The following RNF166 variants were observed in gnomAD, a reference collection of about 807,000 sequenced individuals.
RNF166 encodes the protein E3 ubiquitin-protein ligase RNF166.
In RNF166, 19 loss-of-function variants were observed where a neutral mutation model predicts 29.4. The observed-to-expected ratio is 0.65, with a 90% CI of 0.45 to 0.95. The LOEUF (loss-of-function observed/expected upper bound fraction) is 0.95, where lower values mean the gene tolerates loss of function less well. Among genes scored for constraint, RNF166 ranks in the 40% least tolerant of loss-of-function variants. The pLI is 0.00. For missense variants in RNF166, 347 were observed against 322.1 expected, an observed-to-expected ratio of 1.08 and a Z score of -0.59; for synonymous variants, 171 against 134.5, an observed-to-expected ratio of 1.27 and a Z score of -1.88.
chr16:88,702,029 C>A (rs2142656369), intron 1 of RNF166, among the ~76,000 whole-genome samples: 1 of 152,288 alleles, frequency 6.6e-6, no homozygotes, highest in Middle Eastern at 3.4e-3. Flanking sequence ...GGGTCCTGGG[C>A]ACCCATGGGC....
At position 88,699,095 on chromosome 16, in the gene RNF166, C is replaced by T. The variant is rs1244771799; in HGVS notation, c.426-10G>A. On this transcript the variant is annotated splice_polypyrimidine_tract_variant and intron_variant, in intron 3 of 5. Coordinates refer to ENST00000312838, the MANE Select transcript of RNF166 (RefSeq NM_178841.4). ...CCTGTTGGGGATGTTGCTGGCGGGG[C>T]GGGGGTAGAGTGAGTGGCACGGCTA... The T allele has an allele frequency of 9.5e-6, 15 of 1,582,036 alleles. No homozygotes were observed. The highest frequency in any genetic ancestry group is 2.7e-5 in the African/African-American group (2 of 74,620).
rs1177253139 is a variant in RNF166 at position 88,697,358 on chromosome 16, G to A, written c.*210C>T. The A allele has an allele frequency of 2.1e-5, 10 of 471,378 alleles. No individual in the cohort carries two copies. The highest frequency in any genetic ancestry group is 3.6e-5 in the Admixed American group (1 of 27,878). The allele number at this position is 471,378 out of a possible 1,614,324, so 29.2% of individuals were successfully genotyped here. On this transcript the variant is annotated 3_prime_UTR_variant, in exon 6 of 6. Coordinates refer to ENST00000312838, the MANE Select transcript of RNF166 (RefSeq NM_178841.4). ...CAGAAGCACCGAAGAACCCAGCGAC[G>A]CCGGTGGGACCAGGCGGCCCTGCTC...
At chr16:88,704,562 C>G in intron 1 of RNF166, 1 of 985,440 alleles carries the variant, frequency 1.0e-6, no homozygotes, top group Non-Finnish European at 1.2e-6. Flanking sequence ...TGTGGCCGAC[C>G]ACACGGTGAA....
At chr16:88,703,341 G>A (rs773603812) in intron 1 of RNF166, 164 of 985,458 alleles carry the variant, frequency 1.7e-4, no homozygotes, top group Non-Finnish European at 1.8e-4. Context: ...GCCGGGGCTC[G>A]GCTGCACAGC....
chr16:88,701,480 G>A (rs1286304028), intron 1 of RNF166, 62 bp from the exon 2 acceptor site: 10 of 1,457,126 alleles, frequency 6.9e-6, no homozygotes, highest in African/African-American at 5.7e-5. Context: ...CGCAGGCCTT[G>A]CTCGGGGCCC....
chr16:88,703,835 C>A, intron 1 of RNF166: 1 of 985,456 alleles, frequency 1.0e-6, no homozygotes, highest in Non-Finnish European at 1.2e-6. Context: ...GAAGCTGGGA[C>A]GGCCCGTGCC....
At chr16:88,699,546 G>T in intron 3 of RNF166, 74 bp downstream of exon 3, 1 of 1,183,804 alleles carries the variant, frequency 8.4e-7, no homozygotes, top group Non-Finnish European at 1.2e-6. Flanking sequence ...CTCTGGGATG[G>T]GGCACTGCGC....
chr16:88,703,233 ATCT>A (rs1910445014), intron 1 of RNF166: 2 of 977,194 alleles, frequency 2.0e-6, no homozygotes, highest in South Asian at 9.5e-5. Context: ...AGTGGGAAGA[ATCT>A]TCTAGAATTG....
In RNF166 at chr16:88,697,511, G is replaced by T; in HGVS notation, c.*57C>A. On this transcript the variant is annotated 3_prime_UTR_variant, in exon 6 of 6. Coordinates refer to ENST00000312838, the MANE Select transcript of RNF166 (RefSeq NM_178841.4). ...GCGCTCCCGAGCAGGTGCCAGGTGC[G>T]ACACAGGAGCGGGGACATCCCTGAC... 1 of 1,330,682 alleles carries T rather than the reference G, an allele frequency of 7.5e-7. No homozygotes were observed. The highest frequency in any genetic ancestry group is 1.3e-5 in the South Asian group (1 of 78,960). The allele number at this position is 1,330,682 out of a possible 1,614,324, so 82.4% of individuals were successfully genotyped here. A position where few individuals can be genotyped will look rare whatever the true frequency, so the allele number is the denominator to read the frequency against.
Position 88,702,956 on chromosome 16 carries a change from G to T in RNF166, c.156-1538C>A, listed in dbSNP as rs1424013676. The T allele has an allele frequency of 3.0e-6, 3 of 985,482 alleles. No individual in the cohort carries two copies. In the African/African-American group the frequency reaches 5.2e-5, roughly 17 times the overall value. 61.0% of individuals were successfully genotyped at this position (985,482 alleles called of 1,614,324 possible). Reference sequence around the variant, plus strand: ...TACTCAGGCACTCATGGCAGGAGAAGCGGAAGCAGCTCAGGTGCCCGTCGG... The same window carrying T: ...TACTCAGGCACTCATGGCAGGAGAATCGGAAGCAGCTCAGGTGCCCGTCGG... On this transcript the variant is annotated intron_variant, in intron 1 of 5. Transcript: ENST00000312838.
intron 2 of RNF166, among the ~76,000 whole-genome samples, chr16:88,700,351 G>A (rs574169174): frequency 1.9e-4 from 29 of 152,246 alleles, no homozygotes; most frequent in South Asian, 6.2e-4. Context: ...TGTGGGATAC[G>A]GGAGGCCGCT....
chr16:88,696,787 T>G lies in RNF166; in HGVS notation c.*781A>C, dbSNP rs1909677986. ...ACAGCCTGTGGCTGGGGTGCTGGGATTTCTTCCTGGTCATCAAAGAGAAAC... is the reference window on the plus strand; with the variant it reads ...ACAGCCTGTGGCTGGGGTGCTGGGAGTTCTTCCTGGTCATCAAAGAGAAAC... On this transcript the variant is annotated 3_prime_UTR_variant, in exon 6 of 6. Coordinates refer to ENST00000312838, the MANE Select transcript of RNF166 (RefSeq NM_178841.4). The G allele has an allele frequency of 2.7e-6, 1 of 364,060 alleles. No individual in the cohort carries two copies. The highest frequency in any genetic ancestry group is 5.3e-6 in the Non-Finnish European group (1 of 187,666). 22.6% of individuals were successfully genotyped at this position (364,060 alleles called of 1,614,324 possible).
In RNF166 at chr16:88,697,618, C is replaced by A; in HGVS notation, c.664G>T (p.Glu222Ter). ...YDTFVDYSID[E>*]EAAFQAALAL... ...AGAGCAGCCTGGAAGGCGGCCTCCT[C>A]GTCAATACTGTAGTCCTGGAGACAG... The change falls in exon 6 of 6, where the codon GAG (glutamate) becomes TAG (stop). Residue 222 changes from glutamate to a stop codon, truncating the protein, a stop_gained. Coordinates refer to ENST00000312838, the MANE Select transcript of RNF166 (RefSeq NM_178841.4). LOFTEE classifies it high-confidence loss of function. The A allele has an allele frequency of 1.3e-6, 2 of 1,552,172 alleles. No individual in the cohort carries two copies. The highest frequency in any genetic ancestry group is 8.7e-7 in the Non-Finnish European group (1 of 1,147,702).
At chr16:88,700,882 C>A (rs11640063) in intron 2 of RNF166, 4 of 1,118,388 alleles carry the variant, frequency 3.6e-6, no homozygotes, top group Non-Finnish European at 4.4e-6. Context: ...ACTGTGCCCG[C>A]GGCCCTTGTG....
At chr16:88,701,802 G>T (rs532556803) in intron 1 of RNF166, among the ~76,000 whole-genome samples, 89 of 152,314 alleles carry the variant, frequency 5.8e-4, no homozygotes, top group African/African-American at 2.1e-3. Flanking sequence ...GACAGCCCGG[G>T]GACTCTGGAA....
chr16:88,699,350 C>G (rs989604590), intron 3 of RNF166, among the ~76,000 whole-genome samples: 7 of 152,250 alleles, frequency 4.6e-5, no homozygotes, highest in African/African-American at 1.7e-4. Flanking sequence ...TCGGCCCATC[C>G]ACCTGCTGGG....
intron 1 of RNF166, 109 bp downstream of exon 1, chr16:88,706,062 G>C: frequency 1.4e-6 from 1 of 708,060 alleles, no homozygotes; most frequent in South Asian, 6.3e-5. Context: ...GGCGCCCCGA[G>C]TCCCCGCGCG....
chr16:88,700,467 C>T (rs1445604473), intron 2 of RNF166: 13 of 340,972 alleles, frequency 3.8e-5, no homozygotes, highest in Admixed American at 2.6e-4. Flanking sequence ...CCTGCTCAGC[C>T]GCACCACTCT....
intron 1 of RNF166, among the ~76,000 whole-genome samples, chr16:88,705,948 C>G (rs1216410391): frequency 6.6e-6 from 1 of 151,998 alleles, no homozygotes; most frequent in African/African-American, 2.4e-5. Flanking sequence ...TCGGACCGGG[C>G]GCCTGCGGCT....
Sources: allele counts gnomAD v4.1 joint callset (sites outside exome capture counted in the v4.1 genomes callset), GRCh38; gene constraint gnomAD v4.1.1; transcripts MANE v1.5; gene names NCBI Gene and HGNC (gene_info 2026-07-23, HGNC 2026-07-21).